PPP1R9A: variants seen among roughly 807,000 people sequenced by gnomAD.
PPP1R9A encodes the protein protein phosphatase 1 regulatory subunit 9A, also known as neurabin-1.
A neutral mutation model predicts 141.9 loss-of-function variants in PPP1R9A; 59 were observed. The ratio of observed to expected loss-of-function variants is 0.42; its 90% CI spans 0.34 to 0.52. The LOEUF (loss-of-function observed/expected upper bound fraction) is 0.52. PPP1R9A is among the 20% of genes least tolerant of loss of function. PPP1R9A has a pLI of 0.10. For missense variants in PPP1R9A, 1,444 were observed against 1,611.9 expected (o/e 0.90, Z 1.78); for synonymous variants, 500 against 569.7 (o/e 0.88, Z 1.74).
At chr7:94,913,045 C>T (rs905870016) in intron 2 of PPP1R9A, among the ~76,000 whole-genome samples, 12 of 152,104 alleles carry the variant, frequency 7.9e-5, no homozygotes, top group African/African-American at 2.4e-4. Flanking sequence ...AAGATTAAAT[C>T]GTTTCACATT....
intron 5 of PPP1R9A, among the ~76,000 whole-genome samples, chr7:95,172,046 G>A (rs1832193518): frequency 6.6e-6 from 1 of 151,580 alleles, no homozygotes; most frequent in Non-Finnish European, 1.5e-5. Flanking sequence ...CTTCTCAATA[G>A]ATGTAGATTT....
At chr7:95,028,117 A>G (rs191412097) in intron 2 of PPP1R9A, among the ~76,000 whole-genome samples, 8 of 152,324 alleles carry the variant, frequency 5.3e-5, no homozygotes, top group African/African-American at 1.7e-4. Flanking sequence ...TTCTGTGACT[A>G]AAATTCTGTA....
chr7:95,001,624 A>C (rs1802939260), intron 2 of PPP1R9A, among the ~76,000 whole-genome samples: 1 of 152,162 alleles, frequency 6.6e-6, no homozygotes, highest in African/African-American at 2.4e-5. Flanking sequence ...TGAAACACAA[A>C]TTTTATTTTG....
At position 95,291,590 on chromosome 7, in the gene PPP1R9A, G is replaced by A. The variant is rs776496803; in HGVS notation, c.*1287G>A. On this transcript the variant is annotated 3_prime_UTR_variant, in exon 20 of 20. Coordinates refer to ENST00000433360, the MANE Select transcript of PPP1R9A (RefSeq NM_001166160.2). The stretch of plus-strand genomic sequence containing the variant: ...AAGTCAAGTGCAGGAGACTGGGGCA[G>A]AAGAAGGAGAAAATAAACTCGTTTT... The A allele has an allele frequency of 6.0e-5, 9 of 150,880 alleles. No individual in the cohort carries two copies. Among genetic ancestry groups the A allele is most frequent in the South Asian group, 4.1e-4 (2 of 4,832 alleles). 9.3% of individuals were successfully genotyped at this position (150,880 alleles called of 1,614,324 possible). A position where few individuals can be genotyped will look rare whatever the true frequency, so the allele number is the denominator to read the frequency against.
intron 16 of PPP1R9A, among the ~76,000 whole-genome samples, chr7:95,282,943 T>C (rs1167140530): frequency 6.6e-6 from 1 of 152,206 alleles, no homozygotes. Flanking sequence ...AAAATATATT[T>C]GAAATGAGAT....
chr7:94,979,386 T>A (rs560885157), intron 2 of PPP1R9A, among the ~76,000 whole-genome samples: 1 of 152,346 alleles, frequency 6.6e-6, no homozygotes, highest in South Asian at 2.1e-4. Flanking sequence ...CAGTGCTGTC[T>A]CTGTGAATTT....
At chr7:95,260,251 A>G (rs1800223771) in intron 12 of PPP1R9A, among the ~76,000 whole-genome samples, 1 of 152,222 alleles carries the variant, frequency 6.6e-6, no homozygotes. Flanking sequence ...TTGTTGCCAA[A>G]TCAGTGAGAC....
intron 8 of PPP1R9A, among the ~76,000 whole-genome samples, chr7:95,244,489 T>C (rs1004368311): frequency 6.6e-6 from 1 of 152,160 alleles, no homozygotes; most frequent in Non-Finnish European, 1.5e-5. Context: ...GCATTTTTCA[T>C]ATGGGAAACT....
At chr7:95,232,895 A>G (rs1796171710) in intron 8 of PPP1R9A, among the ~76,000 whole-genome samples, 1 of 152,242 alleles carries the variant, frequency 6.6e-6, no homozygotes, top group Non-Finnish European at 1.5e-5. Flanking sequence ...ATATGGAGAA[A>G]TAGGAATGCT....
chr7:95,258,094 T>C (rs938064347), intron 12 of PPP1R9A, among the ~76,000 whole-genome samples: 3 of 151,732 alleles, frequency 2.0e-5, no homozygotes, highest in Non-Finnish European at 3.0e-5. Context: ...ATCGCCACAC[T>C]GACTTCCACA....
At chr7:95,193,144 T>C (rs1196057117) in intron 5 of PPP1R9A, among the ~76,000 whole-genome samples, 3 of 152,164 alleles carry the variant, frequency 2.0e-5, no homozygotes, top group Non-Finnish European at 4.4e-5. Flanking sequence ...GCTTTCCATC[T>C]GGATCGTACT....
At chr7:95,038,295 G>A (rs1481888751) in intron 2 of PPP1R9A, among the ~76,000 whole-genome samples, 1 of 152,102 alleles carries the variant, frequency 6.6e-6, no homozygotes, top group Non-Finnish European at 1.5e-5. Context: ...ACCTGGAGAA[G>A]AAGCTGCTAG....
chr7:94,986,741 A>G (rs1041013012), intron 2 of PPP1R9A, among the ~76,000 whole-genome samples: 1 of 152,238 alleles, frequency 6.6e-6, no homozygotes, highest in Admixed American at 6.5e-5. Flanking sequence ...ATGTACAATT[A>G]TTATGTGTCA....
chr7:94,964,432 C>T (rs1199194891), intron 2 of PPP1R9A, among the ~76,000 whole-genome samples: 1 of 152,094 alleles, frequency 6.6e-6, no homozygotes, highest in Non-Finnish European at 1.5e-5. Context: ...GTTTGCTGCA[C>T]CCATCAACCT....
intron 8 of PPP1R9A, among the ~76,000 whole-genome samples, chr7:95,246,689 C>T (rs1798160563): frequency 6.6e-6 from 1 of 152,124 alleles, no homozygotes; most frequent in Admixed American, 6.6e-5. Context: ...AATTGTGAAC[C>T]CATAAGTTGT....
intron 2 of PPP1R9A, among the ~76,000 whole-genome samples, chr7:95,006,547 T>C (rs114446622): frequency 5.8e-4 from 88 of 152,216 alleles, no homozygotes; most frequent in African/African-American, 2.0e-3. Flanking sequence ...TAAGAAGATA[T>C]TTGGCTAGGC....
At chr7:94,942,281 C>A (rs1420543859) in intron 2 of PPP1R9A, among the ~76,000 whole-genome samples, 1 of 152,186 alleles carries the variant, frequency 6.6e-6, no homozygotes, top group East Asian at 1.9e-4. Flanking sequence ...TTGTATTCTG[C>A]AGCAGGAAAC....
chr7:95,240,144 A>T lies in PPP1R9A; in HGVS notation c.2113-7329A>T, dbSNP rs141075111. Among the ~76,000 whole-genome samples, 19 of 152,228 alleles carry T rather than the reference A, an allele frequency of 1.2e-4. No individual in the cohort carries two copies. The East Asian group carries it at 3.5e-3, about 28-fold the overall frequency. On this transcript the variant is annotated intron_variant, in intron 8 of 19. Coordinates refer to ENST00000433360, the MANE Select transcript of PPP1R9A (RefSeq NM_001166160.2). Reference sequence around the variant, plus strand: ...CCATGAGCTTCCCATACTGAGAATGACATTCTAATTCATTTATGAACTTTT... The same window carrying T: ...CCATGAGCTTCCCATACTGAGAATGTCATTCTAATTCATTTATGAACTTTT...
At chr7:95,221,138 A>G (rs187341271) in intron 7 of PPP1R9A, among the ~76,000 whole-genome samples, 2 of 152,192 alleles carry the variant, frequency 1.3e-5, no homozygotes, top group Non-Finnish European at 2.9e-5. Context: ...GCATTTTGCT[A>G]TTGCAGTATT....
Sources: allele counts gnomAD v4.1 joint callset (sites outside exome capture counted in the v4.1 genomes callset), GRCh38; gene constraint gnomAD v4.1.1; transcripts MANE v1.5; gene names NCBI Gene and HGNC (gene_info 2026-07-23, HGNC 2026-07-21).